Variants in PDE8B observed in about 807,000 individuals in gnomAD.
PDE8B encodes the protein phosphodiesterase 8B, also known as high affinity cAMP-specific and IBMX-insensitive 3',5'-cyclic phosphodiesterase 8B.
PDE8B carries 26 observed loss-of-function variants against 101.3 expected under a neutral mutation model. That is an observed-to-expected ratio of 0.26 (90% CI 0.19 to 0.36). The LOEUF (loss-of-function observed/expected upper bound fraction) is 0.36. Ranked by LOEUF, PDE8B falls within the 10% of genes least tolerant of loss-of-function variation. The probability of loss-of-function intolerance (pLI) is 1.00; values close to 1 mark genes in which losing one functional copy is unlikely to be tolerated. For missense variants in PDE8B, 810 were observed against 1,163.1 expected (o/e 0.70, Z 4.42); for synonymous variants, 424 against 429.3 (o/e 0.99, Z 0.15).
the PDE8B span, among the ~76,000 whole-genome samples, chr5:77,164,811 T>C: frequency 6.6e-6 from 1 of 152,126 alleles, no homozygotes; most frequent in African/African-American, 2.4e-5. Context: ...GAGTGACTTG[T>C]GGGGGTCAGA....
At chr5:77,171,575 G>A in the PDE8B span, among the ~76,000 whole-genome samples, 1 of 152,074 alleles carries the variant, frequency 6.6e-6, no homozygotes, top group African/African-American at 2.4e-5. Context: ...CCTTTTCTTC[G>A]GGAATTTATG....
rs559171304 is a variant in PDE8B, at chr5:77,319,204, C to T, written c.400-6335C>T. ...ACCCCCAACAACATGTTTCAAATTGCGGTTACATCAGTGTTTTAACTGTGA... is the reference window on the plus strand; with the variant it reads ...ACCCCCAACAACATGTTTCAAATTGTGGTTACATCAGTGTTTTAACTGTGA... On this transcript the variant is annotated intron_variant, in intron 2 of 21. Transcript: ENST00000264917. 2.1e-3 allele frequency among the ~76,000 whole-genome samples: 317 copies of T among 152,290 alleles called. 1 individual carries two copies. The highest frequency in any genetic ancestry group is 3.2e-3 in the Non-Finnish European group (221 of 68,032).
At chr5:77,333,681 G>C (rs950884743) in intron 5 of PDE8B, among the ~76,000 whole-genome samples, 2 of 152,238 alleles carry the variant, frequency 1.3e-5, no homozygotes, top group African/African-American at 4.8e-5. Flanking sequence ...CTGGAAGGCT[G>C]AGATTGCACA....
intron 10 of PDE8B, among the ~76,000 whole-genome samples, chr5:77,374,584 A>G (rs1490176674): frequency 6.6e-6 from 1 of 152,196 alleles, no homozygotes; most frequent in Non-Finnish European, 1.5e-5. Flanking sequence ...TACTTAGCCT[A>G]ATATGGTACC....
intron 1 of PDE8B, among the ~76,000 whole-genome samples, chr5:77,308,041 T>A (rs1179143126): frequency 6.6e-6 from 1 of 152,238 alleles, no homozygotes; most frequent in African/African-American, 2.4e-5. Context: ...TCATAGTTGC[T>A]GTTTTATAAA....
chr5:77,377,286 A>G (rs1786319464), intron 10 of PDE8B, among the ~76,000 whole-genome samples: 1 of 152,238 alleles, frequency 6.6e-6, no homozygotes, highest in Non-Finnish European at 1.5e-5. Context: ...AAAGAGAACC[A>G]GCATGATCTG....
chr5:77,293,564 C>G (rs1235437038), intron 1 of PDE8B, among the ~76,000 whole-genome samples: 1 of 152,150 alleles, frequency 6.6e-6, no homozygotes, highest in Non-Finnish European at 1.5e-5. Flanking sequence ...GTTCTGGAGT[C>G]AGAGAGTCTC....
At chr5:77,329,738 T>C (rs1039659119) in intron 4 of PDE8B, among the ~76,000 whole-genome samples, 1 of 152,226 alleles carries the variant, frequency 6.6e-6, no homozygotes, top group Admixed American at 6.5e-5. Context: ...AAATTTGTTG[T>C]AGTCTTTTAA....
At chr5:77,377,295 T>C (rs1276846768) in intron 10 of PDE8B, among the ~76,000 whole-genome samples, 9 of 152,212 alleles carry the variant, frequency 5.9e-5, no homozygotes, top group Non-Finnish European at 8.8e-5. Flanking sequence ...CAGCATGATC[T>C]GGGCCCCATT....
chr5:77,202,637 T>C, the PDE8B span, among the ~76,000 whole-genome samples: 1 of 99,538 alleles, frequency 1.0e-5, no homozygotes. Flanking sequence ...TTATTAGTAA[T>C]TTTTTTTTTT....
chr5:77,281,863 C>T (rs943043886), intron 1 of PDE8B, among the ~76,000 whole-genome samples: 6 of 152,142 alleles, frequency 3.9e-5, no homozygotes, highest in Non-Finnish European at 7.4e-5. Context: ...TTCTACTGTG[C>T]GCTACTCCAA....
the PDE8B span, among the ~76,000 whole-genome samples, chr5:77,102,619 C>T: frequency 6.6e-6 from 1 of 152,188 alleles, no homozygotes; most frequent in Non-Finnish European, 1.5e-5. Context: ...TCCAGAAGGA[C>T]AGAAGCAGCC....
chr5:77,284,979 C>T (rs1765710890), intron 1 of PDE8B, among the ~76,000 whole-genome samples: 1 of 152,088 alleles, frequency 6.6e-6, no homozygotes, highest in Non-Finnish European at 1.5e-5. Context: ...GGGTATTTAC[C>T]TAAGATAGAT....
rs61999348 is a variant in PDE8B at position 77,404,776 on chromosome 5, A to C, written c.1267A>C (p.Ile423Leu). The change falls in exon 12 of 22, where the codon ATA (isoleucine) becomes CTA (leucine). Residue 423 changes from isoleucine (I) to leucine (L), a missense_variant. By Grantham distance (5) the Ile-to-Leu change is conservative (BLOSUM62 2). Coordinates refer to ENST00000264917, the MANE Select transcript of PDE8B (RefSeq NM_003719.5). ...RRKESIDVKS[I>L]SSRGSDAPSL... ...GAAAGAGTCCATTGACGTGAAATCG[A>C]TATCATCTCGAGGCAGTGATGGTAA... 6.2e-7 allele frequency: 1 copy of C among 1,602,046 alleles called. No homozygotes were observed. The highest frequency in any genetic ancestry group is 1.7e-4 in the Middle Eastern group (1 of 6,032).
At chr5:77,387,962 G>C (rs1426386802) in intron 10 of PDE8B, among the ~76,000 whole-genome samples, 1 of 151,996 alleles carries the variant, frequency 6.6e-6, no homozygotes, top group African/African-American at 2.4e-5. Context: ...GGTTATTCTA[G>C]ATAGCAATTC....
chr5:77,361,313 T>A (rs1156825280), intron 10 of PDE8B, among the ~76,000 whole-genome samples: 1 of 152,134 alleles, frequency 6.6e-6, no homozygotes, highest in Non-Finnish European at 1.5e-5. Context: ...CTTAAAAAAA[T>A]GATGAAGAAA....
the PDE8B span, among the ~76,000 whole-genome samples, chr5:77,185,706 C>T: frequency 6.6e-6 from 1 of 152,170 alleles, no homozygotes; most frequent in Admixed American, 6.5e-5. Flanking sequence ...CTTCACCTCA[C>T]ATCCATCTCC....
intron 5 of PDE8B, among the ~76,000 whole-genome samples, chr5:77,335,878 T>C (rs1246912293): frequency 6.6e-6 from 1 of 152,188 alleles, no homozygotes; most frequent in African/African-American, 2.4e-5. Flanking sequence ...TACTATTTTT[T>C]ACTTGCTTTT....
At chr5:77,365,650 C>CCT (rs1339399607) in intron 10 of PDE8B, among the ~76,000 whole-genome samples, 1 of 152,192 alleles carries the variant, frequency 6.6e-6, no homozygotes, top group Non-Finnish European at 1.5e-5. Flanking sequence ...GAGACAGGGG[C>CCT]CTGTGTGTGC....
Sources: gnomAD v4.1 joint callset for allele counts (sites outside exome capture counted in the v4.1 genomes callset) on GRCh38, gnomAD v4.1.1 for gene constraint, MANE v1.5 for transcripts, NCBI Gene and HGNC (gene_info 2026-07-23, HGNC 2026-07-21) for gene names.